The following SND1 variants were observed in gnomAD, a reference collection of about 807,000 sequenced individuals.
The protein encoded by SND1 is staphylococcal nuclease and tudor domain containing 1.
In SND1, 38 loss-of-function variants were observed where a neutral mutation model predicts 121.7. The ratio of observed to expected loss-of-function variants is 0.31; its 90% CI spans 0.24 to 0.41. The LOEUF (loss-of-function observed/expected upper bound fraction) is 0.41. Among genes scored for constraint, SND1 ranks in the 10% least tolerant of loss-of-function variants. SND1 has a pLI of 1.00. For missense variants in SND1, 868 were observed against 1,184.6 expected (o/e 0.73, Z 3.92); for synonymous variants, 401 against 447.4 (o/e 0.90, Z 1.31).
rs1802392432 is a variant in SND1, at chr7:127,986,449, C to G, written c.1670-4498C>G. 1.3e-5 allele frequency among the ~76,000 whole-genome samples: 2 copies of G among 152,160 alleles called. 1 individual carries two copies. Among genetic ancestry groups the G allele is most frequent in the Admixed American group, 1.3e-4 (2 of 15,286 alleles). On this transcript the variant is annotated intron_variant, in intron 15 of 23. Coordinates refer to ENST00000354725, the MANE Select transcript of SND1 (RefSeq NM_014390.4). Reference sequence around the variant, plus strand: ...CCTTGCATATCCTTCATTTTATAGACAGATGAGGCCTGGATAAGTTTAATA... The same window carrying G: ...CCTTGCATATCCTTCATTTTATAGAGAGATGAGGCCTGGATAAGTTTAATA...
intron 15 of SND1, among the ~76,000 whole-genome samples, chr7:127,963,360 C>T (rs368412286): frequency 2.1e-5 from 3 of 144,778 alleles, no homozygotes; most frequent in Admixed American, 1.4e-4. Context: ...CCCACTAACT[C>T]GTCATCTAGC....
intron 10 of SND1, among the ~76,000 whole-genome samples, chr7:127,783,524 G>C (rs1797760484): frequency 6.6e-6 from 1 of 152,140 alleles, no homozygotes; most frequent in South Asian, 2.1e-4. Flanking sequence ...TTATCTGCTT[G>C]TATTAATACC....
At chr7:127,815,704 A>G (rs1366878848) in intron 11 of SND1, among the ~76,000 whole-genome samples, 4 of 152,068 alleles carry the variant, frequency 2.6e-5, no homozygotes, top group Admixed American at 2.6e-4. Flanking sequence ...AGGTATAATG[A>G]TCCTGCCTAC....
chr7:127,916,589 G>A (rs1192156284), intron 14 of SND1, among the ~76,000 whole-genome samples: 7 of 152,182 alleles, frequency 4.6e-5, no homozygotes, highest in African/African-American at 1.2e-4. Context: ...TCAAGATTAC[G>A]TATGGATGGG....
chr7:127,781,089 A>C (rs1260836753), intron 10 of SND1, among the ~76,000 whole-genome samples: 2 of 152,224 alleles, frequency 1.3e-5, no homozygotes, highest in African/African-American at 4.8e-5. Context: ...CTCAATGTGA[A>C]GAAAATAACT....
At chr7:127,698,732 A>C (rs1177033150) in intron 3 of SND1, 143 bp from the exon 4 acceptor site, 1 of 660,848 alleles carries the variant, frequency 1.5e-6, no homozygotes, top group Admixed American at 2.6e-5. Context: ...TGAAAAACCC[A>C]ATGCTACATT....
At chr7:127,803,489 C>T (rs1166165644) in intron 10 of SND1, among the ~76,000 whole-genome samples, 2 of 152,068 alleles carry the variant, frequency 1.3e-5, no homozygotes, top group African/African-American at 2.4e-5. Context: ...ATTTTTTACA[C>T]TTTAAAAAAT....
intron 15 of SND1, among the ~76,000 whole-genome samples, chr7:127,968,325 T>C (rs1801901546): frequency 6.6e-6 from 1 of 152,244 alleles, no homozygotes; most frequent in African/African-American, 2.4e-5. Flanking sequence ...TTTTGAAATT[T>C]GTCTCAGTAA....
intron 15 of SND1, among the ~76,000 whole-genome samples, chr7:127,973,122 T>A (rs1271519841): frequency 6.6e-6 from 1 of 152,184 alleles, no homozygotes; most frequent in Non-Finnish European, 1.5e-5. Context: ...CAGCCCTGTT[T>A]AAGGAGGCTT....
chr7:127,740,492 C>T (rs1796860454), intron 10 of SND1, among the ~76,000 whole-genome samples: 1 of 152,154 alleles, frequency 6.6e-6, no homozygotes, highest in South Asian at 2.1e-4. Flanking sequence ...GCAGCAGAAC[C>T]GATTATTGCC....
intron 11 of SND1, among the ~76,000 whole-genome samples, chr7:127,826,293 G>A (rs1563026954): frequency 6.6e-6 from 1 of 152,076 alleles, no homozygotes; most frequent in Admixed American, 6.5e-5. Context: ...TTTATTCCAT[G>A]AGTATATAAT....
chr7:128,055,503 T>C (rs1793127210), intron 16 of SND1, among the ~76,000 whole-genome samples: 1 of 151,978 alleles, frequency 6.6e-6, no homozygotes, highest in Non-Finnish European at 1.5e-5. Context: ...GAAGAAGAGG[T>C]TGCAGCCAGT....
chr7:128,027,252 A>G (rs1480891044), intron 16 of SND1: 1 of 152,370 alleles, frequency 6.6e-6, no homozygotes, highest in Non-Finnish European at 1.5e-5. Flanking sequence ...ATGGACCAGA[A>G]TAACAGAGAT....
At chr7:127,718,271 A>G (rs1796424708) in intron 9 of SND1, among the ~76,000 whole-genome samples, 2 of 152,172 alleles carry the variant, frequency 1.3e-5, no homozygotes, top group South Asian at 2.1e-4. Context: ...AAGCACCAGA[A>G]GAAATATCAC....
At chr7:127,784,961 C>T (rs536373680) in intron 10 of SND1, among the ~76,000 whole-genome samples, 3 of 152,230 alleles carry the variant, frequency 2.0e-5, no homozygotes, top group South Asian at 2.1e-4. Context: ...CTCTTTTGCA[C>T]AAGCTGGAGT....
At position 127,701,165 on chromosome 7, in the gene SND1, C is replaced by G. The variant is rs753583011; in HGVS notation, c.431C>G (p.Pro144Arg). Residue 144 changes from proline (P) to arginine (R), a missense_variant and splice_region_variant, in exon 5 of 24, where the codon CCT (proline) becomes CGT (arginine). By Grantham distance (103) the Pro-to-Arg change is moderately radical. Around this residue, in one of 2 missense-constraint regions of SND1, gnomAD observed 743 missense variants for 1,071.3 expected, o/e 0.69. Transcript: ENST00000354725. ...CTTGTTTATTTTTTATGTCCCAGTC[C>G]TGAGCAGAACCGGCTTTCAGAATGT... is the stretch of plus-strand genomic sequence containing the variant. ...TRREGMRANN[P>R]EQNRLSECEE... 3 of 1,613,858 alleles carry G rather than the reference C, an allele frequency of 1.9e-6. No individual in the cohort carries two copies. The South Asian group carries it at 3.3e-5, about 18-fold the overall frequency.
intron 12 of SND1, among the ~76,000 whole-genome samples, chr7:127,877,457 A>G (rs928506399): frequency 2.0e-5 from 3 of 152,026 alleles, no homozygotes; most frequent in Non-Finnish European, 4.4e-5. Flanking sequence ...ATGCTGACCA[A>G]TTCCAAATAC....
At chr7:128,060,272 T>G (rs965114556) in intron 16 of SND1, among the ~76,000 whole-genome samples, 2 of 152,120 alleles carry the variant, frequency 1.3e-5, no homozygotes, top group African/African-American at 2.4e-5. Flanking sequence ...AGGATCATGA[T>G]ATCAGGGACT....
chr7:127,692,546 A>C (rs1222147930), intron 2 of SND1: 1 of 152,280 alleles, frequency 6.6e-6, no homozygotes, highest in Non-Finnish European at 1.5e-5. Flanking sequence ...CATGGGTAAC[A>C]CTGGCCTCAC....
Sources: gnomAD v4.1 joint callset for allele counts (sites outside exome capture counted in the v4.1 genomes callset) on GRCh38, gnomAD v4.1.1 for gene constraint, gnomAD v4.1.1 regional missense constraint, MANE v1.5 for transcripts, NCBI Gene and HGNC (gene_info 2026-07-23, HGNC 2026-07-21) for gene names.